SSH2: variants seen among roughly 807,000 people sequenced by gnomAD.
SSH2 encodes the protein protein phosphatase Slingshot homolog 2.
SSH2 carries 37 observed loss-of-function variants against 135.2 expected under a neutral mutation model. The observed-to-expected ratio is 0.27, with a 90% CI of 0.21 to 0.36. The LOEUF (loss-of-function observed/expected upper bound fraction) is 0.36, where lower values mean the gene tolerates loss of function less well. Ranked by LOEUF, SSH2 falls within the 10% of genes least tolerant of loss-of-function variation. SSH2 has a pLI of 1.00. For synonymous variants in SSH2, 628 were observed against 646.2 expected (o/e 0.97, Z 0.43); for missense variants, 1,408 against 1,765.3 (o/e 0.80, Z 3.63).
At chr17:29,814,088 C>T (rs1255387755) in intron 2 of SSH2, among the ~76,000 whole-genome samples, 4 of 129,198 alleles carry the variant, frequency 3.1e-5, no homozygotes, top group Non-Finnish European at 6.4e-5. Context: ...TGAGATGGCG[C>T]CACTGCACTC....
intron 1 of SSH2, among the ~76,000 whole-genome samples, chr17:29,899,379 C>T (rs1308070466): frequency 1.3e-5 from 2 of 152,052 alleles, no homozygotes; most frequent in Non-Finnish European, 2.9e-5. Flanking sequence ...TCTAGAAAAC[C>T]CCATCGTCTC....
chr17:29,858,143 T>A (rs1314527842), intron 1 of SSH2, among the ~76,000 whole-genome samples: 2 of 152,238 alleles, frequency 1.3e-5, no homozygotes. Flanking sequence ...TTCATTTCAT[T>A]GTTTCTGATT....
intron 3 of SSH2, among the ~76,000 whole-genome samples, chr17:29,730,312 AAT>A (rs1436100470): frequency 2.0e-5 from 3 of 147,368 alleles, no homozygotes; most frequent in East Asian, 2.0e-4. Context: ...ACTCTGTCTA[AAT>A]ATATATATAT....
At chr17:29,881,302 T>C (rs1255562315) in intron 1 of SSH2, among the ~76,000 whole-genome samples, 2 of 152,286 alleles carry the variant, frequency 1.3e-5, no homozygotes, top group Admixed American at 1.3e-4. Context: ...TTATAGTAGC[T>C]ATAAACTAAG....
chr17:29,887,138 A>G (rs2066253762), intron 1 of SSH2, among the ~76,000 whole-genome samples: 1 of 152,176 alleles, frequency 6.6e-6, no homozygotes, highest in African/African-American at 2.4e-5. Context: ...GGGGCCACCT[A>G]TCTTATTTAA....
chr17:29,699,633 C>T (rs569201917), intron 4 of SSH2, among the ~76,000 whole-genome samples: 1 of 152,300 alleles, frequency 6.6e-6, no homozygotes, highest in South Asian at 2.1e-4. Context: ...AAATGCCAAC[C>T]AGTGCCAGGA....
intron 1 of SSH2, among the ~76,000 whole-genome samples, chr17:29,923,541 G>T (rs1307048224): frequency 6.6e-6 from 1 of 151,530 alleles, no homozygotes; most frequent in African/African-American, 2.4e-5. Flanking sequence ...GATCACTTGA[G>T]CCCAGGAGGT....
chr17:29,717,165 C>T (rs2039652933), intron 3 of SSH2, among the ~76,000 whole-genome samples: 2 of 152,156 alleles, frequency 1.3e-5, no homozygotes, highest in Admixed American at 6.5e-5. Flanking sequence ...AGCAGGGTCT[C>T]ACTCTGTTCA....
chr17:29,924,118 T>C (rs1200323259), intron 1 of SSH2, among the ~76,000 whole-genome samples: 2 of 152,250 alleles, frequency 1.3e-5, no homozygotes, highest in Non-Finnish European at 2.9e-5. Flanking sequence ...ACAATAGTCA[T>C]TTCTAGAGTT....
At chr17:29,925,541 A>C (rs2067049199) in intron 1 of SSH2, 1 of 398,336 alleles carries the variant, frequency 2.5e-6, no homozygotes. Flanking sequence ...CAAGACCCCA[A>C]GCAAGTCCCC....
chr17:29,843,638 C>T (rs1365438753), intron 2 of SSH2, among the ~76,000 whole-genome samples: 4 of 152,124 alleles, frequency 2.6e-5, no homozygotes, highest in Non-Finnish European at 5.9e-5. Flanking sequence ...TTGTTTTCAT[C>T]GTTCCAATAC....
intron 8 of SSH2, 193 bp downstream of exon 8, chr17:29,676,627 T>C (rs2151058122): frequency 2.0e-6 from 1 of 502,658 alleles, no homozygotes. Context: ...ATTTCACTTG[T>C]TCACCAATAC....
At chr17:29,670,424 C>G (rs2037445739) in intron 9 of SSH2, among the ~76,000 whole-genome samples, 1 of 152,170 alleles carries the variant, frequency 6.6e-6, no homozygotes, top group African/African-American at 2.4e-5. Context: ...GCAAAAACAT[C>G]CTGTGCAAAA....
At chr17:29,909,008 T>C (rs1456277060) in intron 1 of SSH2, among the ~76,000 whole-genome samples, 1 of 150,644 alleles carries the variant, frequency 6.6e-6, no homozygotes, top group Non-Finnish European at 1.5e-5. Context: ...AGCCGGGAGG[T>C]GGAGCTTGCA....
intron 1 of SSH2, among the ~76,000 whole-genome samples, chr17:29,888,888 C>A: frequency 8.3e-6 from 1 of 120,958 alleles, no homozygotes. Flanking sequence ...CATGATAGTG[C>A]ACCACTTCAC....
intron 1 of SSH2, among the ~76,000 whole-genome samples, chr17:29,869,851 C>G (rs2065911137): frequency 6.6e-6 from 1 of 152,120 alleles, no homozygotes; most frequent in South Asian, 2.1e-4. Flanking sequence ...CAGTTGAAAT[C>G]AGAACTCTCC....
intron 3 of SSH2, among the ~76,000 whole-genome samples, chr17:29,792,848 T>G (rs2042094270): frequency 6.6e-6 from 1 of 152,112 alleles, no homozygotes; most frequent in Non-Finnish European, 1.5e-5. Flanking sequence ...AGCTTATTTT[T>G]TGTATTTAGT....
chr17:29,836,915 G>A (rs2042952366), intron 2 of SSH2, among the ~76,000 whole-genome samples: 1 of 152,118 alleles, frequency 6.6e-6, no homozygotes. Flanking sequence ...TTGCCTAATA[G>A]CTTTGAAATT....
At chr17:29,777,040 T>C (rs2041718132) in intron 3 of SSH2, among the ~76,000 whole-genome samples, 1 of 151,804 alleles carries the variant, frequency 6.6e-6, no homozygotes, top group South Asian at 2.1e-4. Flanking sequence ...GGTGAAACCT[T>C]GTCTCTACTA....
Sources: gnomAD v4.1 joint callset for allele counts (sites outside exome capture counted in the v4.1 genomes callset) on GRCh38, gnomAD v4.1.1 for gene constraint, MANE v1.5 for transcripts, NCBI Gene and HGNC (gene_info 2026-07-23, HGNC 2026-07-21) for gene names.